Variants in TAFA5 observed in about 807,000 individuals in gnomAD.
TAFA5 encodes TAFA chemokine like family member 5.
TAFA5 carries 6 observed loss-of-function variants against 15.3 expected under a neutral mutation model. The ratio of observed to expected loss-of-function variants is 0.39; its 90% confidence interval spans 0.21 to 0.77. TAFA5 has a LOEUF of 0.77. Ranked by LOEUF, TAFA5 falls within the 30% of genes least tolerant of loss-of-function variation. The pLI is 0.41. For synonymous variants in TAFA5, 103 were observed against 80.7 expected, an observed-to-expected ratio of 1.28 and a Z score of -1.48; for missense variants, 161 against 193.1, an observed-to-expected ratio of 0.83 and a Z score of 0.98.
At chr22:48,541,558 A>G (rs1477561202) in intron 1 of TAFA5, among the ~76,000 whole-genome samples, 4 of 152,086 alleles carry the variant, frequency 2.6e-5, no homozygotes, top group South Asian at 2.1e-4. Context: ...GCCCAGGCAC[A>G]TTCCCCAGCC....
chr22:48,617,061 G>A (rs1925634846), intron 1 of TAFA5, among the ~76,000 whole-genome samples: 1 of 152,206 alleles, frequency 6.6e-6, no homozygotes, highest in Admixed American at 6.5e-5. Flanking sequence ...CCAGCGTGTG[G>A]TTGGCTGAAC....
intron 3 of TAFA5, among the ~76,000 whole-genome samples, chr22:48,726,861 C>G (rs1929731092): frequency 6.6e-6 from 1 of 152,296 alleles, no homozygotes. Context: ...GCCTCAATCC[C>G]CTGTGTAGGC....
chr22:48,542,150 G>A (rs1419550762), intron 1 of TAFA5, among the ~76,000 whole-genome samples: 1 of 111,294 alleles, frequency 9.0e-6, no homozygotes, highest in African/African-American at 4.4e-5. Context: ...TGTGTGTGTG[G>A]GTGTGGGGGG....
chr22:48,638,034 G>A (rs1198018633), intron 1 of TAFA5, among the ~76,000 whole-genome samples: 2 of 152,020 alleles, frequency 1.3e-5, no homozygotes, highest in Non-Finnish European at 2.9e-5. Flanking sequence ...GGGCGGCCAG[G>A]GTATTAGAAA....
At chr22:48,510,926 A>G (rs1192617730) in intron 1 of TAFA5, among the ~76,000 whole-genome samples, 7 of 152,250 alleles carry the variant, frequency 4.6e-5, no homozygotes, top group Admixed American at 4.6e-4. Flanking sequence ...GTTGTTTGCA[A>G]AAGTCCATCT....
At position 48,707,696 on chromosome 22, in the gene TAFA5, CCT is replaced by C. The variant is rs1929122918; in HGVS notation, c.263-14_263-13del. 6.2e-7 allele frequency: 1 copy of C among 1,612,868 alleles called. No homozygotes were observed. Among genetic ancestry groups the C allele is most frequent in the South Asian group, 1.1e-5 (1 of 90,956 alleles). On this transcript the variant is annotated intron_variant, in intron 2 of 3. Transcript: ENST00000402357. ...ATCCATGAGAGTAGCACGCTGATTG[CCT>C]CTCTCTTTTCTCCCACAGCAAGAAT...
chr22:48,586,610 G>A (rs1924371732), intron 1 of TAFA5, among the ~76,000 whole-genome samples: 1 of 152,228 alleles, frequency 6.6e-6, no homozygotes. Flanking sequence ...ACAGGACTGC[G>A]CTGTCTGGAG....
chr22:48,738,392 G>C (rs1930090956), intron 3 of TAFA5, among the ~76,000 whole-genome samples: 1 of 152,186 alleles, frequency 6.6e-6, no homozygotes, highest in South Asian at 2.1e-4. Flanking sequence ...CAGCCCAGCG[G>C]GTGTCCCAGT....
At chr22:48,594,632 G>A (rs1266696007) in intron 1 of TAFA5, among the ~76,000 whole-genome samples, 1 of 152,220 alleles carries the variant, frequency 6.6e-6, no homozygotes, top group Non-Finnish European at 1.5e-5. Context: ...TCTGCATCCT[G>A]CCTTTGAGCC....
intron 2 of TAFA5, among the ~76,000 whole-genome samples, chr22:48,701,938 G>T (rs1331588454): frequency 6.6e-6 from 1 of 152,188 alleles, no homozygotes; most frequent in Non-Finnish European, 1.5e-5. Flanking sequence ...GGACTGGGGG[G>T]CCTTGGAGCG....
chr22:48,499,140 T>A (rs552135463), intron 1 of TAFA5, among the ~76,000 whole-genome samples: 58 of 152,342 alleles, frequency 3.8e-4, no homozygotes, highest in African/African-American at 1.3e-3. Context: ...CACTTCTGTT[T>A]CCAGAGCTTG....
chr22:48,681,364 C>T (rs960634904), intron 2 of TAFA5, among the ~76,000 whole-genome samples: 16 of 152,028 alleles, frequency 1.1e-4, no homozygotes, highest in African/African-American at 3.1e-4. Context: ...GAGATGAGGC[C>T]GGGTGCGGTG....
Position 48,740,987 on chromosome 22 carries a change from G to A in TAFA5, c.391-8852G>A, listed in dbSNP as rs542039288. 4.6e-5 allele frequency among the ~76,000 whole-genome samples: 7 copies of A among 152,260 alleles called. No individual in the cohort carries two copies. In the East Asian group the frequency reaches 5.8e-4, roughly 13 times the overall value. On this transcript the variant is annotated intron_variant, in intron 3 of 3. Coordinates refer to ENST00000402357, the MANE Select transcript of TAFA5 (RefSeq NM_001082967.3). ...CCGAGTCAGCGCTCAGGGAGGCTGC[G>A]TCATCCCTGTAGGAAGTGGAGACCC...
At chr22:48,677,040 G>A (rs1927997278) in intron 2 of TAFA5, among the ~76,000 whole-genome samples, 2 of 152,258 alleles carry the variant, frequency 1.3e-5, no homozygotes, top group South Asian at 2.1e-4. Flanking sequence ...CCTGGCATTC[G>A]GCTGGAAGCC....
At chr22:48,656,743 GAGATGGAGTCTCTTTTTTTTTTT>G (rs1569066693) in intron 2 of TAFA5, among the ~76,000 whole-genome samples, 3 of 5,492 alleles carry the variant, frequency 5.5e-4, no homozygotes, top group African/African-American at 9.6e-4. Context: ...TTTTTCTTTT[GAGATGGAGTCTCTTTTTTTTTTT>G]TTTTTTTTTT....
intron 1 of TAFA5, among the ~76,000 whole-genome samples, chr22:48,553,683 C>T (rs1036801678): frequency 4.6e-5 from 7 of 152,234 alleles, no homozygotes; most frequent in Non-Finnish European, 1.0e-4. Context: ...CCATGCCTGC[C>T]GTGGTGCAGG....
At chr22:48,645,422 T>C (rs1926827411) in intron 1 of TAFA5, among the ~76,000 whole-genome samples, 1 of 152,160 alleles carries the variant, frequency 6.6e-6, no homozygotes, top group Non-Finnish European at 1.5e-5. Flanking sequence ...GCACCTGAGA[T>C]GCCTGGGCTG....
At position 48,566,202 on chromosome 22, in the gene TAFA5, GTGGATGATGGGTGGATGGTAGGTAGA is replaced by G. The variant is rs1286257191; in HGVS notation, c.112+76538_112+76563del. On this transcript the variant is annotated intron_variant, in intron 1 of 3. Coordinates refer to ENST00000402357, the MANE Select transcript of TAFA5 (RefSeq NM_001082967.3). The surrounding 1 kb of genome is among the most constrained non-coding windows in gnomAD (Gnocchi z 4.5). ...TGGATGGTGGATGGATGGGTGGATG[GTGGATGATGGGTGGATGGTAGGTAGA>G]TGGATGATGGGTGGATGGTAGGTAG... 2.6e-5 allele frequency among the ~76,000 whole-genome samples: 4 copies of G among 151,446 alleles called. No homozygotes were observed. The highest frequency in any genetic ancestry group is 2.1e-4 in the South Asian group (1 of 4,762).
At chr22:48,537,024 A>G (rs1278147128) in intron 1 of TAFA5, among the ~76,000 whole-genome samples, 6 of 152,068 alleles carry the variant, frequency 3.9e-5, no homozygotes, top group Non-Finnish European at 8.8e-5. Flanking sequence ...CTCCTTTAGG[A>G]GCTCTTAGTG....
Sources: gnomAD v4.1 joint callset for allele counts (sites outside exome capture counted in the v4.1 genomes callset) on GRCh38, gnomAD v4.1.1 for gene constraint, Gnocchi (gnomAD v3.1) non-coding constraint, MANE v1.5 for transcripts, NCBI Gene and HGNC (gene_info 2026-07-23, HGNC 2026-07-21) for gene names.